ANO2: variants seen among roughly 807,000 people sequenced by gnomAD.
ANO2 encodes the protein anoctamin 2, also known as anoctamin-2.
In ANO2, 101 loss-of-function variants were observed where a neutral mutation model predicts 124.2. The ratio of observed to expected loss-of-function variants is 0.81; its 90% CI spans 0.69 to 0.96. The LOEUF is 0.96. ANO2 is among the 40% of genes least tolerant of loss of function. The pLI is 0.00. For missense variants in ANO2, 1,293 were observed against 1,274.5 expected (o/e 1.01, Z -0.22); for synonymous variants, 486 against 482.5 (o/e 1.01, Z -0.09).
chr12:5,770,594 T>C (rs938214912), intron 10 of ANO2, among the ~76,000 whole-genome samples: 1 of 152,118 alleles, frequency 6.6e-6, no homozygotes, highest in African/African-American at 2.4e-5. Context: ...AATCCAACCA[T>C]GTGTCACCAT....
Position 5,615,265 on chromosome 12 carries a change from G to A in ANO2, c.1849C>T (p.Arg617Cys), listed in dbSNP as rs768041346. 11 of 1,613,532 alleles carry A rather than the reference G, an allele frequency of 6.8e-6. No homozygotes were observed. Among genetic ancestry groups the A allele is most frequent in the East Asian group, 2.2e-5 (1 of 44,850 alleles). Residue 617 changes from arginine to cysteine, a missense_variant, in exon 17 of 25, where the codon CGC (arginine) becomes TGC (cysteine). Physicochemically the swap from Arg to Cys is radical, Grantham distance 180 (BLOSUM62 -3). Coordinates refer to ENST00000682330, the MANE Select transcript of ANO2 (RefSeq NM_001364791.2). ...VPKTEQTFEE[R>C]LILKAFLLKF... is the part of the protein sequence containing the mutation. ...AGCAAGAAAGCTTTGAGGATCAGGCGCTCTTCAAAAGTCTGTTCTGTTTTC... is the reference window on the plus strand; with the variant it reads ...AGCAAGAAAGCTTTGAGGATCAGGCACTCTTCAAAAGTCTGTTCTGTTTTC...
At chr12:5,572,199 G>GT (rs1942167847) in intron 23 of ANO2, among the ~76,000 whole-genome samples, 1 of 152,054 alleles carries the variant, frequency 6.6e-6, no homozygotes. Context: ...TATGGAGTTT[G>GT]TTTTTTTCTT....
chr12:5,737,985 T>G (rs756475), intron 13 of ANO2, among the ~76,000 whole-genome samples: 147,982 of 152,282 alleles, frequency 0.97, 72,038 homozygotes, highest in Middle Eastern at 1. Flanking sequence ...GAGTAGAGTG[T>G]GTACCCAATA....
At chr12:5,754,397 T>A (rs956437077) in intron 10 of ANO2, among the ~76,000 whole-genome samples, 1 of 152,214 alleles carries the variant, frequency 6.6e-6, no homozygotes, top group Non-Finnish European at 1.5e-5. Flanking sequence ...AGTGTCTCTG[T>A]CTGGATTTGG....
At chr12:5,674,800 TG>T (rs1948161893) in intron 14 of ANO2, among the ~76,000 whole-genome samples, 1 of 152,214 alleles carries the variant, frequency 6.6e-6, no homozygotes, top group South Asian at 2.1e-4. Flanking sequence ...CCCTGTCCCC[TG>T]GGGAAGTTGT....
intron 14 of ANO2, among the ~76,000 whole-genome samples, chr12:5,688,805 G>A (rs577252725): frequency 1.1e-3 from 156 of 139,154 alleles, no homozygotes; most frequent in African/African-American, 3.8e-3. Context: ...ACCCATGGGA[G>A]TATCCTTTTT....
At position 5,899,472 on chromosome 12, in the gene ANO2, C is replaced by G. The variant is rs1257950888; in HGVS notation, c.534+21568G>C. 2.4e-4 allele frequency among the ~76,000 whole-genome samples: 37 copies of G among 152,124 alleles called. 1 individual carries two copies. Among genetic ancestry groups the G allele is most frequent in the Admixed American group, 2.4e-3 (37 of 15,280 alleles). On this transcript the variant is annotated intron_variant, in intron 3 of 24. Coordinates refer to ENST00000682330, the MANE Select transcript of ANO2 (RefSeq NM_001364791.2). ...GCAAAGTCACAGATCTCAACTGGAG[C>G]CCCAGCTTCACCTCCGCAAGCCTCT... is the stretch of plus-strand genomic sequence containing the variant.
chr12:5,698,432 A>T (rs1275680222), intron 14 of ANO2, among the ~76,000 whole-genome samples: 1 of 152,236 alleles, frequency 6.6e-6, no homozygotes, highest in East Asian at 1.9e-4. Context: ...CATCCACACC[A>T]AAACCCCATC....
At chr12:5,618,054 C>T (rs539633451) in intron 16 of ANO2, among the ~76,000 whole-genome samples, 141 of 152,282 alleles carry the variant, frequency 9.3e-4, no homozygotes, top group African/African-American at 2.8e-3. Flanking sequence ...GATAAATGTG[C>T]TCATGAACAG....
intron 20 of ANO2, among the ~76,000 whole-genome samples, chr12:5,590,686 C>T (rs982562098): frequency 1.6e-4 from 24 of 152,120 alleles, no homozygotes; most frequent in African/African-American, 5.3e-4. Flanking sequence ...GAAGAGCAGG[C>T]GATCTTCGAG....
intron 3 of ANO2, among the ~76,000 whole-genome samples, chr12:5,895,676 C>T (rs1369754089): frequency 6.6e-6 from 1 of 152,018 alleles, no homozygotes; most frequent in African/African-American, 2.4e-5. Context: ...CACTTTTACA[C>T]TGCTGGTGGG....
rs1943047982 is a variant in ANO2 at position 5,945,138 on chromosome 12, A to ACTCC, written c.22+54_22+57dup. 1.5e-5 allele frequency: 19 copies of ACTCC among 1,266,506 alleles called. No homozygotes were observed. In the South Asian group the frequency reaches 2.4e-4, roughly 16 times the overall value. The allele number at this position is 1,266,506 out of a possible 1,614,324, so 78.5% of individuals were successfully genotyped here. ...TGGGAGTTCGGATGCCGCCTCCTTC[A>ACTCC]CTCCCTCCCTCCTACCACCTGTAGG... On this transcript the variant is annotated intron_variant, in intron 1 of 24. Transcript: ENST00000682330.
chr12:5,730,171 T>C (rs935890813), intron 14 of ANO2, among the ~76,000 whole-genome samples: 3 of 152,218 alleles, frequency 2.0e-5, no homozygotes, highest in African/African-American at 4.8e-5. Context: ...AATATGCATA[T>C]TGAATTGTGC....
rs60128304 is a variant in ANO2 at position 5,635,599 on chromosome 12, T to TCACACACACACACACACA, written c.1621-270_1621-253dup. 1.4e-3 allele frequency among the ~76,000 whole-genome samples: 211 copies of TCACACACACACACACACA among 146,900 alleles called. 1 individual carries two copies. The highest frequency in any genetic ancestry group is 5.0e-3 in the African/African-American group (199 of 39,564). ...TTTTTGTCAGATTCCAAATGATTTA[T>TCACACACACACACACACA]CACACACACACACACACACACACAC... is the stretch of plus-strand genomic sequence containing the variant. On this transcript the variant is annotated intron_variant, in intron 15 of 24. Transcript: ENST00000682330. This position sits in a 1 kb window ranked among gnomAD's most constrained non-coding sequence, Gnocchi z 5.2.
intron 20 of ANO2, among the ~76,000 whole-genome samples, 152 bp downstream of exon 20, chr12:5,599,332 G>A (rs1433474971): frequency 6.6e-6 from 1 of 152,156 alleles, no homozygotes; most frequent in African/African-American, 2.4e-5. Flanking sequence ...ACTTTCATGT[G>A]GCACTGAAGG....
intron 20 of ANO2, among the ~76,000 whole-genome samples, chr12:5,580,293 TAAC>T (rs1942673233): frequency 1.3e-5 from 2 of 152,226 alleles, no homozygotes; most frequent in Non-Finnish European, 2.9e-5. Flanking sequence ...GGATACATAA[TAAC>T]TGTTTAATAA....
intron 14 of ANO2, among the ~76,000 whole-genome samples, chr12:5,701,439 G>A (rs989749058): frequency 6.6e-6 from 1 of 151,846 alleles, no homozygotes; most frequent in Non-Finnish European, 1.5e-5. Context: ...CTTAGTCCTG[G>A]ACCTAATAAG....
chr12:5,756,224 A>G (rs1170554898), intron 10 of ANO2, among the ~76,000 whole-genome samples: 1 of 151,680 alleles, frequency 6.6e-6, no homozygotes, highest in African/African-American at 2.4e-5. Flanking sequence ...TATTATTTCT[A>G]TATGTTTGTT....
At chr12:5,682,337 TTCTCTCTC>T (rs3067753) in intron 14 of ANO2, among the ~76,000 whole-genome samples, 2 of 149,978 alleles carry the variant, frequency 1.3e-5, no homozygotes, top group Admixed American at 6.6e-5. Flanking sequence ...CTCTTTCTCT[TTCTCTCTC>T]TCTCTCTCTC....
Sources: gnomAD v4.1 joint callset for allele counts (sites outside exome capture counted in the v4.1 genomes callset) on GRCh38, gnomAD v4.1.1 for gene constraint, Gnocchi (gnomAD v3.1) non-coding constraint, MANE v1.5 for transcripts, NCBI Gene and HGNC (gene_info 2026-07-23, HGNC 2026-07-21) for gene names.